PISD: variants seen among roughly 807,000 people sequenced by gnomAD.
PISD encodes phosphatidylserine decarboxylase, also known as phosphatidylserine decarboxylase proenzyme, mitochondrial.
A neutral mutation model predicts 43.5 loss-of-function variants in PISD; 31 were observed. The observed-to-expected ratio is 0.71, with a 90% confidence interval of 0.54 to 0.96. The LOEUF (loss-of-function observed/expected upper bound fraction) is 0.96, where lower values mean the gene tolerates loss of function less well. Among genes scored for constraint, PISD ranks in the 40% least tolerant of loss-of-function variants. PISD has a pLI of 0.00. For synonymous variants in PISD, 259 were observed against 228.7 expected, an observed-to-expected ratio of 1.13 and a Z score of -1.20; for missense variants, 523 against 548.4, an observed-to-expected ratio of 0.95 and a Z score of 0.46.
At chr22:31,638,813 T>TC (rs1186601739) in intron 3 of PISD, 1 of 152,364 alleles carries the variant, frequency 6.6e-6, no homozygotes, top group African/African-American at 2.5e-5. Flanking sequence ...TCCATTTTTT[T>TC]TTTCTTTCTT....
chr22:31,625,828 G>C, intron 3 of PISD: 1 of 1,596,246 alleles, frequency 6.3e-7, no homozygotes, highest in Non-Finnish European at 8.5e-7. Flanking sequence ...GCCGGCGCAG[G>C]GAGGGCGGGG....
chr22:31,662,479 C>T (rs138164860), upstream of PISD: 114 of 518,156 alleles, frequency 2.2e-4, 1 homozygote, highest in East Asian at 3.7e-3. Context: ...CCTCATGTAC[C>T]TGGAAAATCT....
chr22:31,649,255 C>T (rs928478141), intron 2 of PISD, among the ~76,000 whole-genome samples: 1 of 151,974 alleles, frequency 6.6e-6, no homozygotes, highest in Non-Finnish European at 1.5e-5. Context: ...TTTGAATAGA[C>T]CTTTGTCCAA....
chr22:31,628,091 G>A (rs746665534), intron 3 of PISD: 34 of 985,318 alleles, frequency 3.5e-5, no homozygotes, highest in Non-Finnish European at 3.9e-5. Context: ...AACAAGCGCC[G>A]AGACCAGGGT....
At chr22:31,661,740 G>C (rs2074323472) in intron 1 of PISD, among the ~76,000 whole-genome samples, 1 of 152,094 alleles carries the variant, frequency 6.6e-6, no homozygotes, top group South Asian at 2.1e-4. Flanking sequence ...CAAAGACTAA[G>C]ATCCAGAAAT....
At chr22:31,662,348 A>G (rs1009637899), upstream of PISD, 2 of 814,130 alleles carry the variant, frequency 2.5e-6, no homozygotes, top group Non-Finnish European at 4.1e-6. Flanking sequence ...CCCTGTGGCT[A>G]CTCCCCACCT....
intron 3 of PISD, among the ~76,000 whole-genome samples, chr22:31,634,528 G>A (rs554746829): frequency 1.3e-4 from 20 of 152,326 alleles, no homozygotes; most frequent in African/African-American, 4.1e-4. Context: ...AGGGCAGACT[G>A]GGGTGGAATT....
At chr22:31,643,456 C>G (rs781766177) in intron 3 of PISD, among the ~76,000 whole-genome samples, 11 of 152,006 alleles carry the variant, frequency 7.2e-5, no homozygotes, top group Non-Finnish European at 4.4e-5. Flanking sequence ...ATAAAACTAC[C>G]CTGGCGAAGT....
intron 3 of PISD, among the ~76,000 whole-genome samples, chr22:31,644,814 G>A (rs1262468234): frequency 6.6e-6 from 1 of 152,158 alleles, no homozygotes; most frequent in Non-Finnish European, 1.5e-5. Context: ...CTGATGTCAT[G>A]TGACAGGTCA....
At chr22:31,629,414 A>G (rs2147681596) in intron 3 of PISD, 1 of 150,108 alleles carries the variant, frequency 6.7e-6, no homozygotes, top group Non-Finnish European at 1.4e-5. Flanking sequence ...GTGTGTGCGT[A>G]GGTGTGAGGT....
intron 3 of PISD, among the ~76,000 whole-genome samples, chr22:31,642,974 C>T (rs929679723): frequency 1.3e-5 from 2 of 151,470 alleles, no homozygotes; most frequent in South Asian, 4.2e-4. Flanking sequence ...TGGTGGCACA[C>T]ACCTGTAATC....
intron 7 of PISD, 81 bp from the exon 8 acceptor site, chr22:31,619,917 T>G (rs1010072908): frequency 1.1e-6 from 1 of 910,114 alleles, no homozygotes; most frequent in African/African-American, 1.7e-5. Flanking sequence ...GGAGTCCCAC[T>G]CCCTCTGTTG....
At chr22:31,638,551 C>G (rs973583763) in intron 3 of PISD, 2 of 985,456 alleles carry the variant, frequency 2.0e-6, no homozygotes, top group Non-Finnish European at 2.4e-6. Flanking sequence ...AGAGGCAAAA[C>G]GGGTAGTAAG....
Position 31,619,326 on chromosome 22 carries a change from A to AT in PISD, c.*285_*286insA. On this transcript the variant is annotated 3_prime_UTR_variant, in exon 8 of 8. Coordinates refer to ENST00000439502, the MANE Select transcript of PISD (RefSeq NM_001326411.2). ...CAGGAATGCAGGCTCTTCCGTCTAT[A>AT]CAGTGTTTAAAAAGATCCAAATGTG... The AT allele has an allele frequency of 4.4e-6, 2 of 455,932 alleles. No individual in the cohort carries two copies. The highest frequency in any genetic ancestry group is 8.3e-6 in the Non-Finnish European group (2 of 241,410). The allele number at this position is 455,932 out of a possible 1,614,324, so 28.2% of individuals were successfully genotyped here. A position where few individuals can be genotyped will look rare whatever the true frequency, so the allele number is the denominator to read the frequency against.
rs1365183540 is a variant in PISD at position 31,618,986 on chromosome 22, TATCATTA to T, written c.*619_*625del. 5.8e-6 allele frequency: 1 copy of T among 172,774 alleles called. No individual in the cohort carries two copies. The highest frequency in any genetic ancestry group is 2.4e-5 in the African/African-American group (1 of 41,634). 10.7% of individuals were successfully genotyped at this position (172,774 alleles called of 1,614,324 possible). A position where few individuals can be genotyped will look rare whatever the true frequency, so the allele number is the denominator to read the frequency against. ...ACTCATCAGGTCCTGCAAAGGTCTG[TATCATTA>T]ATCAGTGTCATCAGTGTCCTCAGAA... On this transcript the variant is annotated 3_prime_UTR_variant, in exon 8 of 8. Coordinates refer to ENST00000439502, the MANE Select transcript of PISD (RefSeq NM_001326411.2).
intron 3 of PISD, among the ~76,000 whole-genome samples, chr22:31,627,491 T>C (rs932033973): frequency 1.3e-5 from 2 of 152,206 alleles, no homozygotes; most frequent in African/African-American, 4.8e-5. Flanking sequence ...GGCTCCATGC[T>C]GGCCTCCTGC....
chr22:31,620,591 C>T lies in PISD; in HGVS notation c.967G>A (p.Ala323Thr). 6.2e-7 allele frequency: 1 copy of T among 1,614,214 alleles called. No individual in the cohort carries two copies. The highest frequency in any genetic ancestry group is 8.5e-7 in the Non-Finnish European group (1 of 1,180,016). ...HGFFSLTAVG[A>T]TNVGSIRIYF... The stretch of plus-strand genomic sequence containing the variant: ...ATGCGAATGGAGCCCACGTTGGTGG[C>T]CCCCACAGCTGTCAGTGAGAAGAAG... Residue 323 changes from alanine (A) to threonine (T), a missense_variant, in exon 7 of 8, where the codon GCC becomes ACC. Physicochemically the swap from Ala to Thr is moderately conservative, Grantham distance 58. Transcript: ENST00000439502.
chr22:31,628,751 G>T, intron 3 of PISD: 1 of 843,184 alleles, frequency 1.2e-6, no homozygotes, highest in Non-Finnish European at 1.4e-6. Context: ...CCCCCTTGAG[G>T]CTCAGAGCAC....
intron 3 of PISD, chr22:31,629,870 TCTGATGGGAAGCG>T (rs1008035353): frequency 1.2e-4 from 18 of 152,224 alleles, no homozygotes; most frequent in African/African-American, 4.3e-4. Context: ...GCTCCTGCTG[TCTGATGGGAAGCG>T]CCTGGAACGC....
Sources: allele counts gnomAD v4.1 joint callset (sites outside exome capture counted in the v4.1 genomes callset), GRCh38; gene constraint gnomAD v4.1.1; transcripts MANE v1.5; gene names NCBI Gene and HGNC (gene_info 2026-07-23, HGNC 2026-07-21).